The following CERS3 variants were observed in gnomAD, a reference collection of about 807,000 sequenced individuals.
CERS3 encodes LAG1 homolog, ceramide synthase 3.
CERS3 carries 33 observed loss-of-function variants against 50.3 expected under a neutral mutation model. That is an observed-to-expected ratio of 0.66 (90% CI 0.50 to 0.88). The LOEUF (loss-of-function observed/expected upper bound fraction) is 0.88. Ranked by LOEUF, CERS3 falls within the 40% of genes least tolerant of loss-of-function variation. CERS3 has a pLI of 0.00. For synonymous variants in CERS3, 176 were observed against 155.2 expected (o/e 1.13, Z -0.99); for missense variants, 470 against 460.3 (o/e 1.02, Z -0.19).
At chr15:100,524,358 C>T (rs555576153) in intron 1 of CERS3, among the ~76,000 whole-genome samples, 99 of 152,144 alleles carry the variant, frequency 6.5e-4, no homozygotes, top group Non-Finnish European at 1.3e-3. Context: ...ATCTACACAA[C>T]AACCACTTAG....
intron 6 of CERS3, 122 bp downstream of exon 6, chr15:100,479,867 C>A: frequency 2.8e-6 from 2 of 723,510 alleles, no homozygotes; most frequent in South Asian, 3.4e-5. Flanking sequence ...AATGTTGAAT[C>A]TTGAGAGAAA....
intron 11 of CERS3, among the ~76,000 whole-genome samples, chr15:100,439,685 A>G (rs2033592367): frequency 6.6e-6 from 1 of 152,206 alleles, no homozygotes; most frequent in South Asian, 2.1e-4. Context: ...TTGCAATGCA[A>G]CTATGCCTTC....
At chr15:100,506,884 A>G (rs2036201496) in intron 2 of CERS3, among the ~76,000 whole-genome samples, 1 of 152,212 alleles carries the variant, frequency 6.6e-6, no homozygotes, top group South Asian at 2.1e-4. Flanking sequence ...AATTCTGTAA[A>G]TATACTAAAA....
intron 1 of CERS3, among the ~76,000 whole-genome samples, chr15:100,536,712 A>G (rs2037083348): frequency 6.6e-6 from 1 of 152,264 alleles, no homozygotes; most frequent in African/African-American, 2.4e-5. Context: ...TCTGGAAGAT[A>G]GAACTTAGTA....
chr15:100,445,017 C>T (rs970718731), intron 11 of CERS3, among the ~76,000 whole-genome samples: 2 of 151,964 alleles, frequency 1.3e-5, no homozygotes, highest in Admixed American at 6.6e-5. Context: ...GTAGAACGGA[C>T]TAATGGTCTT....
At chr15:100,543,772 C>T (rs553019560) in intron 1 of CERS3, among the ~76,000 whole-genome samples, 28 of 152,260 alleles carry the variant, frequency 1.8e-4, no homozygotes, top group African/African-American at 6.7e-4. Flanking sequence ...TCTGGTGATT[C>T]GCCCACCTTG....
At chr15:100,413,486 T>C (rs987240551) in intron 11 of CERS3, among the ~76,000 whole-genome samples, 3 of 151,514 alleles carry the variant, frequency 2.0e-5, no homozygotes, top group Admixed American at 6.6e-5. Flanking sequence ...ACAGGCAATT[T>C]ACAAAAAAGT....
intron 11 of CERS3, among the ~76,000 whole-genome samples, chr15:100,417,723 G>C (rs2142077668): frequency 6.6e-6 from 1 of 152,064 alleles, no homozygotes; most frequent in East Asian, 1.9e-4. Flanking sequence ...CCAGCACGCA[G>C]CTGGAGATCT....
intron 11 of CERS3, among the ~76,000 whole-genome samples, chr15:100,452,637 G>A: frequency 6.6e-6 from 1 of 151,398 alleles, no homozygotes; most frequent in South Asian, 2.1e-4. Flanking sequence ...ATTAATAGAT[G>A]GAAAGAAATA....
At chr15:100,439,133 G>A (rs931104677) in intron 11 of CERS3, among the ~76,000 whole-genome samples, 2 of 152,138 alleles carry the variant, frequency 1.3e-5, no homozygotes, top group African/African-American at 2.4e-5. Context: ...GCTAAGCAGG[G>A]TCCATATAAG....
chr15:100,445,080 T>A (rs112117868), intron 11 of CERS3, among the ~76,000 whole-genome samples: 21,226 of 142,926 alleles, frequency 0.15, 1,945 homozygotes, highest in Admixed American at 0.24. Flanking sequence ...GACTGGACAA[T>A]ACTTTTACCA....
chr15:100,475,356 T>A (rs1052702451), intron 8 of CERS3, among the ~76,000 whole-genome samples: 1 of 152,216 alleles, frequency 6.6e-6, no homozygotes, highest in Non-Finnish European at 1.5e-5. Context: ...ATATTAAATG[T>A]CATTGTATTT....
At chr15:100,469,031 C>G (rs1316163730) in intron 10 of CERS3, among the ~76,000 whole-genome samples, 1 of 152,200 alleles carries the variant, frequency 6.6e-6, no homozygotes, top group African/African-American at 2.4e-5. Flanking sequence ...GAACATACCT[C>G]TCTTTTAGAG....
At position 100,456,011 on chromosome 15, in the gene CERS3, T is replaced by C. The variant is rs114065539; in HGVS notation, c.881A>G (p.His294Arg). Residue 294 changes from histidine to arginine, a missense_variant, in exon 11 of 12, where the codon CAC becomes CGC. Physicochemically the swap from His to Arg is conservative, Grantham distance 29. Transcript: ENST00000679737. ...LYCTLILPMY[H>R]LEPFFSYIFL... is the part of the protein sequence containing the mutation. ...GATGTATGAAAAGAAAGGCTCGAGG[T>C]GATACATAGGCAAGATCAGCGTGCA... is the stretch of plus-strand genomic sequence containing the variant. The C allele has an allele frequency of 4.9e-3, 7,856 of 1,612,150 alleles. 176 individuals carry two copies. In the Admixed American group the frequency reaches 0.058, roughly 12 times the overall value.
intron 3 of CERS3, among the ~76,000 whole-genome samples, chr15:100,498,480 G>T (rs1175349981): frequency 6.6e-6 from 1 of 151,858 alleles, no homozygotes; most frequent in Admixed American, 6.6e-5. Flanking sequence ...TCATTTTATT[G>T]ATATGGAATA....
chr15:100,486,619 G>A (rs953266895), intron 4 of CERS3, among the ~76,000 whole-genome samples: 1 of 152,220 alleles, frequency 6.6e-6, no homozygotes, highest in Admixed American at 6.5e-5. Flanking sequence ...CCCCAACATG[G>A]AGAATACAAT....
chr15:100,451,230 G>C (rs2034151558), intron 11 of CERS3, among the ~76,000 whole-genome samples: 2 of 151,994 alleles, frequency 1.3e-5, no homozygotes, highest in African/African-American at 4.8e-5. Context: ...AGAAACAAAG[G>C]ATATACAGAA....
intron 3 of CERS3, among the ~76,000 whole-genome samples, chr15:100,495,670 C>T (rs1160775390): frequency 1.3e-5 from 2 of 152,044 alleles, no homozygotes; most frequent in East Asian, 1.9e-4. Flanking sequence ...TTTATATATT[C>T]TGAATTTAAG....
chr15:100,485,694 T>A (rs1165965251), intron 4 of CERS3, among the ~76,000 whole-genome samples: 2 of 151,982 alleles, frequency 1.3e-5, no homozygotes, highest in African/African-American at 4.8e-5. Context: ...TGAAACCCCA[T>A]CTCTACTAAA....
Sources: gnomAD v4.1 joint callset for allele counts (sites outside exome capture counted in the v4.1 genomes callset) on GRCh38, gnomAD v4.1.1 for gene constraint, MANE v1.5 for transcripts, NCBI Gene and HGNC (gene_info 2026-07-23, HGNC 2026-07-21) for gene names.